TBCD: variants seen among roughly 807,000 people sequenced by gnomAD.
TBCD encodes the protein tubulin-specific chaperone D.
A neutral mutation model predicts 169.3 loss-of-function variants in TBCD; 105 were observed. The observed-to-expected ratio is 0.62, with a 90% CI of 0.53 to 0.73. TBCD has a LOEUF of 0.73. Ranked by LOEUF, TBCD falls within the 30% of genes least tolerant of loss-of-function variation. The pLI, the probability that TBCD is intolerant of heterozygous loss-of-function variation, is 0.00. For missense variants in TBCD, 1,444 were observed against 1,600.1 expected (o/e 0.90, Z 1.66); for synonymous variants, 700 against 643.9 (o/e 1.09, Z -1.32).
chr17:82,865,388 C>T, intron 13 of TBCD: 1 of 868,218 alleles, frequency 1.2e-6, no homozygotes, highest in Non-Finnish European at 1.4e-6. Flanking sequence ...CCACATCCAC[C>T]CCATCGTGGG....
In TBCD at chr17:82,790,920, A is replaced by G. The variant is rs112668445; in HGVS notation, c.772-6837A>G. Among the ~76,000 whole-genome samples, 506 of 151,726 alleles carry G rather than the reference A, an allele frequency of 3.3e-3. 3 individuals carry two copies. The highest frequency in any genetic ancestry group is 0.01 in the Middle Eastern group (3 of 294). ...CCTGAGCCCCCTGCTTCCCAGGCCA[A>G]TGCCCCTTCAGGTCCCTGCAAAGCC... On this transcript the variant is annotated intron_variant, in intron 7 of 38. Coordinates refer to ENST00000355528, the MANE Select transcript of TBCD (RefSeq NM_005993.5).
rs771481314 is a variant in TBCD at position 82,930,666 on chromosome 17, T to G, written c.3113+23T>G. ...GAGGTGAGTGGTGTCTCTTGGGGCC[T>G]CAGAGGCGTGAGTGGTGCTGGTGCC... On this transcript the variant is annotated intron_variant, in intron 33 of 38. Coordinates refer to ENST00000355528, the MANE Select transcript of TBCD (RefSeq NM_005993.5). This position sits in a 1 kb window ranked among gnomAD's most constrained non-coding sequence, Gnocchi z 5.2. 1 of 1,613,786 alleles carries G rather than the reference T, an allele frequency of 6.2e-7. No homozygotes were observed. Among genetic ancestry groups the G allele is most frequent in the Non-Finnish European group, 8.5e-7 (1 of 1,179,818 alleles).
At chr17:82,887,589 G>A (rs2058844870) in intron 15 of TBCD, among the ~76,000 whole-genome samples, 1 of 152,162 alleles carries the variant, frequency 6.6e-6, no homozygotes, top group African/African-American at 2.4e-5. Context: ...TTCGTGCTCA[G>A]GTTTTCGTGT....
intron 2 of TBCD, among the ~76,000 whole-genome samples, chr17:82,756,730 G>A (rs1377360145): frequency 1.3e-5 from 2 of 152,012 alleles, no homozygotes; most frequent in African/African-American, 2.4e-5. Context: ...CGCCTGCCTC[G>A]GCCTCCCAAA....
At chr17:82,842,905 C>CA (rs2054647007) in intron 13 of TBCD, among the ~76,000 whole-genome samples, 1 of 151,756 alleles carries the variant, frequency 6.6e-6, no homozygotes, top group South Asian at 2.1e-4. Context: ...CTCAGCCTCC[C>CA]AAGTAGCTGG....
chr17:82,877,803 A>G (rs573455497), intron 14 of TBCD, among the ~76,000 whole-genome samples: 6 of 152,346 alleles, frequency 3.9e-5, no homozygotes, highest in East Asian at 1.9e-4. Context: ...ATTTTAAACC[A>G]GTATTTTTCT....
chr17:82,836,996 G>C (rs572668470), intron 13 of TBCD, among the ~76,000 whole-genome samples: 1 of 152,274 alleles, frequency 6.6e-6, no homozygotes, highest in East Asian at 1.9e-4. Flanking sequence ...ATGGAGTCTC[G>C]GGCAGTGGTT....
chr17:82,869,840 G>A (rs2057431598), intron 13 of TBCD, among the ~76,000 whole-genome samples: 1 of 151,948 alleles, frequency 6.6e-6, no homozygotes, highest in Non-Finnish European at 1.5e-5. Flanking sequence ...CTGAACCAGG[G>A]GCGCCTCTCC....
chr17:82,858,989 G>C (rs982658740), intron 13 of TBCD, among the ~76,000 whole-genome samples: 1 of 152,228 alleles, frequency 6.6e-6, no homozygotes, highest in Non-Finnish European at 1.5e-5. Flanking sequence ...GCCAGGCTGC[G>C]TGGCAACCCT....
chr17:82,919,943 T>A (rs1341247001), intron 23 of TBCD, among the ~76,000 whole-genome samples: 3 of 152,192 alleles, frequency 2.0e-5, no homozygotes, highest in Non-Finnish European at 4.4e-5. Context: ...TGAACAAGTG[T>A]GCAGCAGGCG....
chr17:82,899,275 C>CGCGTGTGTCCTCAGT (rs1223528641), intron 17 of TBCD, among the ~76,000 whole-genome samples: 5 of 150,070 alleles, frequency 3.3e-5, no homozygotes, highest in East Asian at 2.0e-4. Flanking sequence ...GTGTCCTCAG[C>CGCGTGTGTCCTCAGT]GCGTGTGTCC....
At position 82,890,963 on chromosome 17, in the gene TBCD, G is replaced by A. The variant is rs1355269484; in HGVS notation, c.1563+1266G>A. On this transcript the variant is annotated intron_variant, in intron 16 of 38. Coordinates refer to ENST00000355528, the MANE Select transcript of TBCD (RefSeq NM_005993.5). This position sits in a 1 kb window ranked among gnomAD's most constrained non-coding sequence, Gnocchi z 5.3. ...TAGGGACTTGCCAGCTTCCTGGAAA[G>A]TGAGAGCCCAGGAGAAGAAGTCTCC... is the stretch of plus-strand genomic sequence containing the variant. 6.6e-6 allele frequency among the ~76,000 whole-genome samples: 1 copy of A among 152,248 alleles called. No homozygotes were observed. The highest frequency in any genetic ancestry group is 1.5e-5 in the Non-Finnish European group (1 of 68,046).
intron 6 of TBCD, among the ~76,000 whole-genome samples, chr17:82,772,821 C>A (rs563248185): frequency 4.7e-4 from 71 of 152,114 alleles, no homozygotes; most frequent in African/African-American, 1.6e-3. Context: ...GATGGGGTGG[C>A]AGTTATGAGA....
At chr17:82,757,844 A>G (rs970040952) in intron 2 of TBCD, among the ~76,000 whole-genome samples, 39 of 152,098 alleles carry the variant, frequency 2.6e-4, no homozygotes, top group South Asian at 1.2e-3. Flanking sequence ...CCCAGGCCAT[A>G]TCTTATAGGA....
chr17:82,890,113 T>C lies in TBCD; in HGVS notation c.1563+416T>C, dbSNP rs2059027018. 6.6e-6 allele frequency among the ~76,000 whole-genome samples: 1 copy of C among 152,200 alleles called. No homozygotes were observed. Among genetic ancestry groups the C allele is most frequent in the African/African-American group, 2.4e-5 (1 of 41,452 alleles). On this transcript the variant is annotated intron_variant, in intron 16 of 38. Coordinates refer to ENST00000355528, the MANE Select transcript of TBCD (RefSeq NM_005993.5). This position sits in a 1 kb window ranked among gnomAD's most constrained non-coding sequence, Gnocchi z 5.3. ...GGCCCAGAAGTCAGCTCCCAGAAGC[T>C]ACGGACCCCATGACCCCACGACCCC...
At chr17:82,807,104 TCA>T (rs766317669) in intron 10 of TBCD, among the ~76,000 whole-genome samples, 17 of 152,250 alleles carry the variant, frequency 1.1e-4, no homozygotes, top group Non-Finnish European at 1.9e-4. Context: ...GGCGAAGGCT[TCA>T]CCCTTGCTGG....
chr17:82,829,779 C>G (rs1355678423), intron 13 of TBCD: 8 of 216,242 alleles, frequency 3.7e-5, no homozygotes, highest in Non-Finnish European at 7.4e-5. Flanking sequence ...TCATTTACAT[C>G]AAATATGCAG....
intron 14 of TBCD, among the ~76,000 whole-genome samples, chr17:82,877,625 C>T (rs2058062448): frequency 6.6e-6 from 1 of 152,198 alleles, no homozygotes; most frequent in Non-Finnish European, 1.5e-5. Flanking sequence ...CAGGCGTGAG[C>T]CACTGCGCCC....
At chr17:82,938,400 A>G (rs1362515371) in intron 36 of TBCD, among the ~76,000 whole-genome samples, 2 of 152,122 alleles carry the variant, frequency 1.3e-5, no homozygotes, top group Non-Finnish European at 2.9e-5. Context: ...CTGGCTCAGG[A>G]GCTTCCAGAA....
Sources: gnomAD v4.1 joint callset for allele counts (sites outside exome capture counted in the v4.1 genomes callset) on GRCh38, gnomAD v4.1.1 for gene constraint, Gnocchi (gnomAD v3.1) non-coding constraint, MANE v1.5 for transcripts, NCBI Gene and HGNC (gene_info 2026-07-23, HGNC 2026-07-21) for gene names.